CDH8: variants seen among roughly 807,000 people sequenced by gnomAD.
CDH8 encodes cadherin-8.
CDH8 carries 17 observed loss-of-function variants against 68.1 expected under a neutral mutation model. The ratio of observed to expected loss-of-function variants is 0.25; its 90% CI spans 0.17 to 0.37. The LOEUF is 0.37. Ranked by LOEUF, CDH8 falls within the 10% of genes least tolerant of loss-of-function variation. CDH8 has a pLI of 1.00. For missense variants in CDH8, 763 were observed against 999.3 expected (o/e 0.76, Z 3.19); for synonymous variants, 372 against 365.1 (o/e 1.02, Z -0.21).
At chr16:62,010,943 C>CA (rs11456356) in intron 2 of CDH8, among the ~76,000 whole-genome samples, 75,386 of 140,740 alleles carry the variant, frequency 0.54, 20,150 homozygotes, top group East Asian at 0.72. Flanking sequence ...AACTCCATTT[C>CA]AAAAAAAAAA....
At chr16:61,779,929 G>A (rs892161880) in intron 8 of CDH8, among the ~76,000 whole-genome samples, 2 of 152,168 alleles carry the variant, frequency 1.3e-5, no homozygotes, top group African/African-American at 4.8e-5. Context: ...GAAGATTGAA[G>A]TGAGGTTTCT....
At chr16:61,876,083 G>A (rs1485583605) in intron 3 of CDH8, among the ~76,000 whole-genome samples, 1 of 152,016 alleles carries the variant, frequency 6.6e-6, no homozygotes, top group African/African-American at 2.4e-5. Flanking sequence ...CACCATGTTG[G>A]CCAGGATGGT....
At chr16:61,989,798 T>C (rs750464495) in intron 2 of CDH8, among the ~76,000 whole-genome samples, 1 of 150,638 alleles carries the variant, frequency 6.6e-6, no homozygotes, top group Non-Finnish European at 1.5e-5. Context: ...TACTTTCCCA[T>C]AATTCATTGA....
intron 2 of CDH8, among the ~76,000 whole-genome samples, chr16:62,001,071 T>A (rs1385849610): frequency 2.0e-5 from 3 of 152,132 alleles, no homozygotes; most frequent in Non-Finnish European, 1.5e-5. Context: ...TAGAAAATAT[T>A]TGGGACTCAT....
intron 2 of CDH8, among the ~76,000 whole-genome samples, chr16:61,902,402 T>C (rs962603144): frequency 1.3e-5 from 2 of 152,054 alleles, no homozygotes; most frequent in Non-Finnish European, 2.9e-5. Flanking sequence ...ATACACGGTG[T>C]CTCTCCTGTT....
chr16:62,021,998 C>T (rs559395931), intron 1 of CDH8, among the ~76,000 whole-genome samples: 1 of 152,030 alleles, frequency 6.6e-6, no homozygotes, highest in Non-Finnish European at 1.5e-5. Flanking sequence ...CTAACACAGC[C>T]CACTTGTCGA....
chr16:61,968,905 A>G (rs1213781830), intron 2 of CDH8, among the ~76,000 whole-genome samples: 2 of 152,136 alleles, frequency 1.3e-5, no homozygotes, highest in African/African-American at 4.8e-5. Flanking sequence ...CAAGTTCTCC[A>G]CTGCTCCCAG....
chr16:61,694,149 T>G (rs1964283576), intron 10 of CDH8, among the ~76,000 whole-genome samples: 1 of 152,148 alleles, frequency 6.6e-6, no homozygotes. Flanking sequence ...TGTTTGTTTG[T>G]TTTACTGGTG....
At chr16:61,993,783 G>T (rs1189368063) in intron 2 of CDH8, among the ~76,000 whole-genome samples, 1 of 152,070 alleles carries the variant, frequency 6.6e-6, no homozygotes, top group Non-Finnish European at 1.5e-5. Flanking sequence ...ATACACAAAT[G>T]CATGGACTCT....
chr16:61,869,217 T>C (rs72798764), intron 3 of CDH8, among the ~76,000 whole-genome samples: 13,172 of 152,152 alleles, frequency 0.087, 710 homozygotes, highest in African/African-American at 0.13. Flanking sequence ...TTCCTGGTCT[T>C]GGAGTACCAA....
intron 2 of CDH8, among the ~76,000 whole-genome samples, chr16:62,002,485 G>A (rs1965908905): frequency 6.6e-6 from 1 of 152,122 alleles, no homozygotes. Flanking sequence ...TATGGAGTTT[G>A]TGAGCATTAA....
At chr16:61,952,038 T>A (rs949953176) in intron 2 of CDH8, among the ~76,000 whole-genome samples, 1 of 152,178 alleles carries the variant, frequency 6.6e-6, no homozygotes, top group Admixed American at 6.5e-5. Flanking sequence ...AGTGGCCATG[T>A]CTTCTACTTT....
intron 4 of CDH8, among the ~76,000 whole-genome samples, chr16:61,836,221 C>T (rs1381078499): frequency 6.6e-6 from 1 of 151,906 alleles, no homozygotes; most frequent in Non-Finnish European, 1.5e-5. Context: ...TACCACTACA[C>T]ACAAGCAATA....
chr16:61,880,024 C>T (rs1963540246), intron 3 of CDH8, among the ~76,000 whole-genome samples: 1 of 151,848 alleles, frequency 6.6e-6, no homozygotes. Context: ...CTTCTGGGTT[C>T]AAGCGATTAT....
At chr16:61,836,794 T>A (rs1962578681) in intron 4 of CDH8, among the ~76,000 whole-genome samples, 1 of 151,990 alleles carries the variant, frequency 6.6e-6, no homozygotes, top group Non-Finnish European at 1.5e-5. Flanking sequence ...TTCTCCTGGT[T>A]TTTCTTTGTC....
chr16:61,820,419 A>G lies in CDH8; in HGVS notation c.1023+507T>C, dbSNP rs532408790. 4.7e-5 allele frequency among the ~76,000 whole-genome samples: 7 copies of G among 150,502 alleles called. No individual in the cohort carries two copies. In the South Asian group the frequency reaches 1.3e-3, roughly 27 times the overall value. On this transcript the variant is annotated intron_variant, in intron 6 of 11. Transcript: ENST00000577390. The stretch of plus-strand genomic sequence containing the variant: ...TGGGGAAGATATTTCAGGAAGCAAG[A>G]GTTCAAACATGTGGAGAGTTATATA...
chr16:61,689,019 A>C (rs780550207), intron 10 of CDH8, among the ~76,000 whole-genome samples: 5 of 152,058 alleles, frequency 3.3e-5, no homozygotes, highest in Admixed American at 1.3e-4. Flanking sequence ...CATTTCAAAT[A>C]TCTGTAATCC....
chr16:62,015,145 AT>A (rs1263371083), intron 2 of CDH8, among the ~76,000 whole-genome samples: 1 of 152,200 alleles, frequency 6.6e-6, no homozygotes, highest in Non-Finnish European at 1.5e-5. Context: ...ACCTGACTTC[AT>A]GTGATGGGTC....
At chr16:61,670,554 T>C (rs1200751899) in intron 10 of CDH8, among the ~76,000 whole-genome samples, 2 of 151,982 alleles carry the variant, frequency 1.3e-5, no homozygotes, top group African/African-American at 4.8e-5. Context: ...TTTTAAAAAT[T>C]AAGTCCCTAC....
Sources: gnomAD v4.1 joint callset for allele counts (sites outside exome capture counted in the v4.1 genomes callset) on GRCh38, gnomAD v4.1.1 for gene constraint, MANE v1.5 for transcripts, NCBI Gene and HGNC (gene_info 2026-07-23, HGNC 2026-07-21) for gene names.